The following FHOD3 variants were observed in gnomAD, a reference collection of about 807,000 sequenced individuals.
The protein encoded by FHOD3 is formin homology 2 domain containing 3.
Under a neutral mutation model 173.0 loss-of-function variants are expected in FHOD3, and 90 were observed. That is an observed-to-expected ratio of 0.52 (90% CI 0.44 to 0.62). The LOEUF is 0.62. Ranked by LOEUF, FHOD3 falls within the 20% of genes least tolerant of loss-of-function variation. The pLI, the probability that FHOD3 is intolerant of heterozygous loss-of-function variation, is 0.00. For missense variants in FHOD3, 1,945 were observed against 2,034.7 expected (o/e 0.96, Z 0.85); for synonymous variants, 828 against 823.0 (o/e 1.01, Z -0.10).
intron 1 of FHOD3, among the ~76,000 whole-genome samples, chr18:36,340,582 G>GCT (rs1555675482): frequency 3.5e-5 from 5 of 144,632 alleles, no homozygotes; most frequent in African/African-American, 1.3e-4. Context: ...GCTTTCTCTT[G>GCT]TTTTTTTTTT....
At chr18:36,732,518 T>C (rs1486093097) in intron 20 of FHOD3, among the ~76,000 whole-genome samples, 2 of 152,222 alleles carry the variant, frequency 1.3e-5, no homozygotes, top group African/African-American at 4.8e-5. Context: ...GTGTGTTCTC[T>C]GTCTTCAAAC....
At chr18:36,690,725 C>T (rs1377380332) in intron 16 of FHOD3, among the ~76,000 whole-genome samples, 6 of 127,670 alleles carry the variant, frequency 4.7e-5, no homozygotes, top group African/African-American at 1.4e-4. Flanking sequence ...CTCTCTGCCC[C>T]GCCATATAAA....
Position 36,317,240 on chromosome 18 carries a change from G to A in FHOD3, c.165+19240G>A, listed in dbSNP as rs572531633. Among the ~76,000 whole-genome samples, 166 of 152,300 alleles carry A rather than the reference G, an allele frequency of 1.1e-3. 2 individuals carry two copies. The highest frequency in any genetic ancestry group is 3.5e-3 in the African/African-American group (144 of 41,554). ...TTATAATCCTTTGGGTATATACCCA[G>A]TAATGGGATCACTGGGTCAAATGGT... On this transcript the variant is annotated intron_variant, in intron 1 of 28. Coordinates refer to ENST00000590592, the MANE Select transcript of FHOD3 (RefSeq NM_001281740.3).
intron 3 of FHOD3, among the ~76,000 whole-genome samples, chr18:36,418,472 A>C (rs935389481): frequency 2.0e-5 from 3 of 152,166 alleles, no homozygotes; most frequent in African/African-American, 7.2e-5. Flanking sequence ...TAGATTGTTT[A>C]AGGTTTGGGA....
chr18:36,479,597 GTATA>G lies in FHOD3; in HGVS notation c.338-22321_338-22318del, dbSNP rs3056806. On this transcript the variant is annotated intron_variant, in intron 3 of 28. Coordinates refer to ENST00000590592, the MANE Select transcript of FHOD3 (RefSeq NM_001281740.3). The stretch of plus-strand genomic sequence containing the variant: ...CCATTTTAGGAATGTGTACTATAAA[GTATA>G]TATATATATATATTCCAAATGAATG... Among the ~76,000 whole-genome samples the G allele has an allele frequency of 8.0e-5, 12 of 150,574 alleles. No homozygotes were observed. In the South Asian group the frequency reaches 1.1e-3, roughly 13 times the overall value.
intron 27 of FHOD3, among the ~76,000 whole-genome samples, chr18:36,764,110 A>C (rs2043039519): frequency 6.6e-6 from 1 of 152,174 alleles, no homozygotes; most frequent in Admixed American, 6.5e-5. Context: ...GCTATATGGA[A>C]GGAAAGGTAC....
At position 36,724,249 on chromosome 18, in the gene FHOD3, C is replaced by CACTTATT. The variant is rs2040936972; in HGVS notation, c.3417+5535_3417+5536insCTTATTA. 5.9e-5 allele frequency among the ~76,000 whole-genome samples: 9 copies of CACTTATT among 152,214 alleles called. 1 individual carries two copies. The South Asian group carries it at 1.9e-3, about 32-fold the overall frequency. On this transcript the variant is annotated intron_variant, in intron 19 of 28. Transcript: ENST00000590592. ...CTTGTGGCTCTGCAGTGCTTATATCCAGCCGAGCCTAAATATCTGGCTTAG... is the reference window on the plus strand; with the variant it reads ...CTTGTGGCTCTGCAGTGCTTATATCCACTTATTAGCCGAGCCTAAATATCTGGCTTAG...
intron 10 of FHOD3, among the ~76,000 whole-genome samples, chr18:36,626,128 C>T (rs1480526790): frequency 2.0e-5 from 3 of 152,228 alleles, no homozygotes; most frequent in Non-Finnish European, 2.9e-5. Context: ...GGAAGAGTCT[C>T]GCGATACTCC....
At chr18:36,569,314 T>C (rs563307826) in intron 5 of FHOD3, among the ~76,000 whole-genome samples, 1 of 151,932 alleles carries the variant, frequency 6.6e-6, no homozygotes, top group East Asian at 1.9e-4. Flanking sequence ...CAAAAGAAGG[T>C]GAAGTGACTA....
intron 1 of FHOD3, among the ~76,000 whole-genome samples, chr18:36,344,446 A>G (rs796587500): frequency 4.6e-5 from 7 of 152,308 alleles, no homozygotes; most frequent in African/African-American, 1.7e-4. Flanking sequence ...AAAGTGGTCT[A>G]GTGTCCTTAA....
intron 24 of FHOD3, among the ~76,000 whole-genome samples, chr18:36,754,285 T>C (rs1351050420): frequency 6.6e-6 from 1 of 152,092 alleles, no homozygotes; most frequent in African/African-American, 2.4e-5. Context: ...CAAATTAGAG[T>C]GATCAAAATT....
intron 9 of FHOD3, among the ~76,000 whole-genome samples, chr18:36,618,935 C>G (rs2033468828): frequency 6.6e-6 from 1 of 152,236 alleles, no homozygotes; most frequent in East Asian, 1.9e-4. Context: ...CTGACCCCTC[C>G]CTTTCAGTGG....
At chr18:36,425,656 A>T (rs1339849823) in intron 3 of FHOD3, among the ~76,000 whole-genome samples, 1 of 152,250 alleles carries the variant, frequency 6.6e-6, no homozygotes, top group East Asian at 1.9e-4. Context: ...AAGTGTATAA[A>T]CATGATGCTT....
chr18:36,569,255 T>A (rs1439879978), intron 5 of FHOD3, among the ~76,000 whole-genome samples: 1 of 151,910 alleles, frequency 6.6e-6, no homozygotes, highest in Non-Finnish European at 1.5e-5. Flanking sequence ...ATGCTATAGG[T>A]GGTTTAAAAG....
At chr18:36,409,094 G>C (rs1429885322) in intron 3 of FHOD3, among the ~76,000 whole-genome samples, 1 of 152,100 alleles carries the variant, frequency 6.6e-6, no homozygotes, top group Non-Finnish European at 1.5e-5. Context: ...GCTGAGTCTT[G>C]CGGCCCGGCA....
At chr18:36,667,457 T>C (rs1312197255) in intron 14 of FHOD3, among the ~76,000 whole-genome samples, 1 of 152,190 alleles carries the variant, frequency 6.6e-6, no homozygotes, top group Non-Finnish European at 1.5e-5. Flanking sequence ...AGTTGTAAAC[T>C]TTCCCATGAA....
At chr18:36,765,805 AAGAAT>A (rs1309571987) in intron 27 of FHOD3, among the ~76,000 whole-genome samples, 5 of 152,180 alleles carry the variant, frequency 3.3e-5, no homozygotes, top group African/African-American at 9.7e-5. Flanking sequence ...AAAAAATGGA[AAGAAT>A]AGAATAAAAT....
intron 3 of FHOD3, among the ~76,000 whole-genome samples, chr18:36,425,386 G>C (rs915370582): frequency 6.6e-6 from 1 of 152,122 alleles, no homozygotes. Context: ...AATGGCTAAC[G>C]TAGCTTATCA....
At chr18:36,679,226 TG>T (rs1213157106) in intron 14 of FHOD3, among the ~76,000 whole-genome samples, 13 of 152,138 alleles carry the variant, frequency 8.5e-5, no homozygotes, top group Admixed American at 8.5e-4. Context: ...ATTTTTGTAA[TG>T]TTTTTTGGTC....
Sources: gnomAD v4.1 joint callset for allele counts (sites outside exome capture counted in the v4.1 genomes callset) on GRCh38, gnomAD v4.1.1 for gene constraint, MANE v1.5 for transcripts, NCBI Gene and HGNC (gene_info 2026-07-23, HGNC 2026-07-21) for gene names.